The following FBXL5 variants were observed in gnomAD, a reference collection of about 807,000 sequenced individuals.
FBXL5 encodes F-box and leucine rich repeat protein 5, also known as F-box/LRR-repeat protein 5.
A neutral mutation model predicts 78.3 loss-of-function variants in FBXL5; 26 were observed. The observed-to-expected ratio is 0.33, with a 90% CI of 0.24 to 0.46. FBXL5 has a LOEUF of 0.46. Ranked by LOEUF, FBXL5 falls within the 20% of genes least tolerant of loss-of-function variation. The pLI is 1.00. For missense variants in FBXL5, 710 were observed against 829.2 expected (o/e 0.86, Z 1.77); for synonymous variants, 295 against 282.5 (o/e 1.04, Z -0.45).
At chr4:15,638,766 A>G (rs1714531366) in intron 3 of FBXL5, 72 bp from the exon 4 acceptor site, 2 of 957,258 alleles carry the variant, frequency 2.1e-6, no homozygotes, top group African/African-American at 3.7e-5. Context: ...CTTTTAAATT[A>G]TTAATGGCTC....
At chr4:15,663,363 CTA>C (rs1161900432), upstream of FBXL5, among the ~76,000 whole-genome samples, 2 of 152,244 alleles carry the variant, frequency 1.3e-5, no homozygotes, top group Non-Finnish European at 2.9e-5. Context: ...ATAATAGACT[CTA>C]GTCTCAGTAT....
chr4:15,656,103 G>T, upstream of FBXL5: 2 of 450,176 alleles, frequency 4.4e-6, no homozygotes, highest in Non-Finnish European at 8.9e-6. Flanking sequence ...CGCGGGTCAG[G>T]GATAGGCCCG....
At chr4:15,665,132 G>A (rs1256730770) in intron 1 of FBXL5, among the ~76,000 whole-genome samples, 1 of 152,002 alleles carries the variant, frequency 6.6e-6, no homozygotes, top group Non-Finnish European at 1.5e-5. Context: ...ATTCTTCCTC[G>A]AAACCTCTAT....
Position 15,649,337 on chromosome 4 carries a change from T to A in FBXL5, c.85-4629A>T, listed in dbSNP as rs1342823215. On this transcript the variant is annotated intron_variant, in intron 1 of 10. Transcript: ENST00000341285. Reference sequence around the variant, plus strand: ...GTTCACGCCTGTAATCCCAGCACTTTGGGAGGCCGAGGCAGGCGGATCACA... The same window carrying A: ...GTTCACGCCTGTAATCCCAGCACTTAGGGAGGCCGAGGCAGGCGGATCACA... 4.6e-5 allele frequency among the ~76,000 whole-genome samples: 7 copies of A among 152,140 alleles called. No homozygotes were observed. The East Asian group carries it at 1.4e-3, about 29-fold the overall frequency.
intron 5 of FBXL5, among the ~76,000 whole-genome samples, chr4:15,633,522 T>G (rs563380113): frequency 4.6e-5 from 7 of 152,240 alleles, no homozygotes; most frequent in African/African-American, 1.4e-4. Flanking sequence ...AACTATAAAT[T>G]TATAGATCCT....
intron 1 of FBXL5, among the ~76,000 whole-genome samples, chr4:15,680,922 A>T (rs1159735465): frequency 1.3e-5 from 2 of 148,570 alleles, no homozygotes; most frequent in Non-Finnish European, 3.0e-5. Context: ...TATATATAAG[A>T]ATATATATAT....
At chr4:15,642,682 TC>T (rs1487284792) in intron 2 of FBXL5, among the ~76,000 whole-genome samples, 5 of 152,204 alleles carry the variant, frequency 3.3e-5, no homozygotes, top group Non-Finnish European at 7.3e-5. Context: ...CCTAAGCATA[TC>T]CACATGGCTT....
At chr4:15,629,126 A>C (rs983474282) in intron 6 of FBXL5, among the ~76,000 whole-genome samples, 1 of 152,130 alleles carries the variant, frequency 6.6e-6, no homozygotes, top group African/African-American at 2.4e-5. Context: ...AACCGAAAAA[A>C]GCACTGAAGT....
In FBXL5 at chr4:15,626,966, A is replaced by C. The variant is rs1713125846; in HGVS notation, c.1042-11T>G. ...TAAAATCTGCCTAACCTAAAAGGCA[A>C]GAAATTGTCACTGTAAAGATCTGCA... is the stretch of plus-strand genomic sequence containing the variant. On this transcript the variant is annotated splice_polypyrimidine_tract_variant and intron_variant, in intron 7 of 10. Coordinates refer to ENST00000341285, the MANE Select transcript of FBXL5 (RefSeq NM_012161.4). 3 of 1,580,036 alleles carry C rather than the reference A, an allele frequency of 1.9e-6. No homozygotes were observed. Among genetic ancestry groups the C allele is most frequent in the Non-Finnish European group, 2.6e-6 (3 of 1,161,394 alleles).
At chr4:15,607,890 C>T (rs1721991193) in intron 10 of FBXL5, among the ~76,000 whole-genome samples, 1 of 152,158 alleles carries the variant, frequency 6.6e-6, no homozygotes, top group South Asian at 2.1e-4. Flanking sequence ...AGACTCTATA[C>T]AATTTTTCCA....
At chr4:15,656,377 G>A, upstream of FBXL5, 1 of 440,590 alleles carries the variant, frequency 2.3e-6, no homozygotes, top group Non-Finnish European at 4.6e-6. Context: ...AAACAGGGAA[G>A]CCTGAGAACC....
chr4:15,633,582 C>T (rs1251175907), intron 5 of FBXL5, among the ~76,000 whole-genome samples: 3 of 152,136 alleles, frequency 2.0e-5, no homozygotes, highest in South Asian at 4.1e-4. Context: ...AGAGATTATG[C>T]GGAATCAATT....
rs1466227631 is a variant in FBXL5, at chr4:15,604,514, AAGAATTATCACAATATACG to A, written c.*1190_*1208del. 2 of 137,936 alleles carry A rather than the reference AAGAATTATCACAATATACG, an allele frequency of 1.4e-5. No homozygotes were observed. Among genetic ancestry groups the A allele is most frequent in the Non-Finnish European group, 3.2e-5 (2 of 63,136 alleles). The allele number at this position is 137,936 out of a possible 1,614,324, so 8.5% of individuals were successfully genotyped here. The stretch of plus-strand genomic sequence containing the variant: ...ATAGTGAAAAACTATGAAATACTCC[AAGAATTATCACAATATACG>A]AGACATGAAAGGAGAAGTTTTATTG... On this transcript the variant is annotated 3_prime_UTR_variant, in exon 11 of 11. Transcript: ENST00000341285.
At chr4:15,628,997 C>A (rs1251077343) in intron 6 of FBXL5, among the ~76,000 whole-genome samples, 2 of 151,638 alleles carry the variant, frequency 1.3e-5, no homozygotes, top group Non-Finnish European at 1.5e-5. Flanking sequence ...TACTATGGAA[C>A]CTGTATACAA....
chr4:15,677,864 A>G (rs1400080651), intron 1 of FBXL5, among the ~76,000 whole-genome samples: 1 of 152,198 alleles, frequency 6.6e-6, no homozygotes, highest in Non-Finnish European at 1.5e-5. Context: ...AAGAAGTCCA[A>G]GTAGGTTGGG....
chr4:15,606,051 T>A (rs1380966377), intron 10 of FBXL5, among the ~76,000 whole-genome samples: 1 of 152,092 alleles, frequency 6.6e-6, no homozygotes, highest in Non-Finnish European at 1.5e-5. Flanking sequence ...AGCAACAACT[T>A]ACAATATAAA....
chr4:15,627,059 T>C, intron 7 of FBXL5, 104 bp from the exon 8 acceptor site: 1 of 529,332 alleles, frequency 1.9e-6, no homozygotes, highest in Non-Finnish European at 3.3e-6. Flanking sequence ...CTTTTGTGAA[T>C]ATAAAAAAAA....
At chr4:15,661,719 C>G (rs560573701), upstream of FBXL5, among the ~76,000 whole-genome samples, 8 of 152,176 alleles carry the variant, frequency 5.3e-5, no homozygotes, top group Non-Finnish European at 8.8e-5. Context: ...CCCTTTAAAA[C>G]TTAAATGGCT....
chr4:15,634,459 G>A (rs112469202), intron 5 of FBXL5, among the ~76,000 whole-genome samples: 14 of 151,954 alleles, frequency 9.2e-5, no homozygotes, highest in African/African-American at 2.2e-4. Flanking sequence ...TCTGCCTCCC[G>A]GGTTCAAGCA....
Sources: gnomAD v4.1 joint callset for allele counts (sites outside exome capture counted in the v4.1 genomes callset) on GRCh38, gnomAD v4.1.1 for gene constraint, MANE v1.5 for transcripts, NCBI Gene and HGNC (gene_info 2026-07-23, HGNC 2026-07-21) for gene names.